Variants in FRMD5 observed in about 807,000 individuals in gnomAD.
FRMD5 encodes FERM domain containing 5.
In FRMD5, 20 loss-of-function variants were observed where a neutral mutation model predicts 69.0. The observed-to-expected ratio is 0.29, with a 90% CI of 0.20 to 0.42. The LOEUF is 0.42. Among genes scored for constraint, FRMD5 ranks in the 10% least tolerant of loss-of-function variants. The pLI is 1.00. For missense variants in FRMD5, 595 were observed against 708.6 expected (o/e 0.84, Z 1.82); for synonymous variants, 271 against 260.1 (o/e 1.04, Z -0.40).
chr15:43,928,528 T>C (rs1224907743), intron 1 of FRMD5, among the ~76,000 whole-genome samples: 2 of 152,222 alleles, frequency 1.3e-5, no homozygotes, highest in African/African-American at 4.8e-5. Flanking sequence ...ATGGGCTCCC[T>C]ACAAGCCAAC....
At chr15:44,049,208 G>T (rs536783184) in intron 1 of FRMD5, among the ~76,000 whole-genome samples, 2 of 152,140 alleles carry the variant, frequency 1.3e-5, no homozygotes, top group African/African-American at 4.8e-5. Context: ...ACCAGAGTTG[G>T]CTCCCAAACC....
At chr15:44,052,934 C>T (rs970504268) in intron 1 of FRMD5, among the ~76,000 whole-genome samples, 1 of 152,054 alleles carries the variant, frequency 6.6e-6, no homozygotes, top group African/African-American at 2.4e-5. Flanking sequence ...TGAGGGAGTC[C>T]ATGGTCTGGT....
chr15:44,169,266 C>T (rs2077760328), intron 1 of FRMD5, among the ~76,000 whole-genome samples: 1 of 152,082 alleles, frequency 6.6e-6, no homozygotes, highest in Admixed American at 6.6e-5. Flanking sequence ...ATGCTATACC[C>T]TATCTTCCAC....
chr15:44,162,719 T>A (rs981513907), intron 1 of FRMD5, among the ~76,000 whole-genome samples: 1 of 151,084 alleles, frequency 6.6e-6, no homozygotes, highest in Non-Finnish European at 1.5e-5. Context: ...AATACAAAAT[T>A]AGCCAGGCGT....
chr15:44,171,173 T>C (rs1595552442), intron 1 of FRMD5, among the ~76,000 whole-genome samples: 2 of 152,222 alleles, frequency 1.3e-5, no homozygotes, highest in Non-Finnish European at 2.9e-5. Context: ...TTAGTGCACA[T>C]TTTTTGCATA....
intron 8 of FRMD5, 122 bp downstream of exon 8, chr15:43,891,859 G>T (rs2088800305): frequency 1.3e-6 from 1 of 755,214 alleles, no homozygotes; most frequent in Non-Finnish European, 2.3e-6. Flanking sequence ...CACCATCAAC[G>T]CAAGGCTTTG....
At chr15:44,170,384 G>A (rs565667300) in intron 1 of FRMD5, among the ~76,000 whole-genome samples, 131 of 152,174 alleles carry the variant, frequency 8.6e-4, no homozygotes, top group African/African-American at 2.9e-3. Flanking sequence ...TTAGCTGAGC[G>A]TGGTGGCATA....
chr15:43,899,143 C>T (rs2088985155), intron 7 of FRMD5, among the ~76,000 whole-genome samples: 1 of 152,198 alleles, frequency 6.6e-6, no homozygotes, highest in Non-Finnish European at 1.5e-5. Context: ...CCAAGTGTGC[C>T]AGCTTATTTC....
chr15:43,992,744 T>C (rs867554329), intron 1 of FRMD5, among the ~76,000 whole-genome samples: 1 of 152,164 alleles, frequency 6.6e-6, no homozygotes, highest in Non-Finnish European at 1.5e-5. Context: ...GATGGGGTAT[T>C]CCTCTGCCCA....
chr15:43,894,386 G>A (rs2088865907), intron 7 of FRMD5, among the ~76,000 whole-genome samples: 1 of 152,144 alleles, frequency 6.6e-6, no homozygotes, highest in African/African-American at 2.4e-5. Context: ...TTGTGTGAAT[G>A]GTGGTATAGA....
chr15:44,123,143 G>A (rs1257661561), intron 1 of FRMD5, among the ~76,000 whole-genome samples: 19 of 151,926 alleles, frequency 1.3e-4, no homozygotes, highest in Non-Finnish European at 4.4e-5. Flanking sequence ...TCAGGAGTTT[G>A]AGACCAGCCT....
upstream of FRMD5, among the ~76,000 whole-genome samples, chr15:44,199,149 C>G (rs1281547737): frequency 2.0e-5 from 3 of 152,186 alleles, no homozygotes; most frequent in Non-Finnish European, 4.4e-5. Flanking sequence ...GTACTGCCCT[C>G]TCTTCACCAA....
intron 1 of FRMD5, among the ~76,000 whole-genome samples, chr15:43,941,611 T>C (rs1284462024): frequency 6.6e-6 from 1 of 152,182 alleles, no homozygotes; most frequent in Non-Finnish European, 1.5e-5. Flanking sequence ...TCTTGAAATA[T>C]GGTGGGCACT....
At position 43,925,553 on chromosome 15, in the gene FRMD5, TACAA is replaced by T. The variant is rs2089569641; in HGVS notation, c.103-1248_103-1245del. On this transcript the variant is annotated intron_variant, in intron 1 of 13. Coordinates refer to ENST00000417257, the MANE Select transcript of FRMD5 (RefSeq NM_032892.5). ...ATGACATTTGTTTCTAATTTGCTAT[TACAA>T]ACAATGTGGCAGTGAACATACAATG... Among the ~76,000 whole-genome samples, 3 of 152,356 alleles carry T rather than the reference TACAA, an allele frequency of 2.0e-5. No individual in the cohort carries two copies. In the South Asian group the frequency reaches 6.2e-4, roughly 32 times the overall value.
intron 1 of FRMD5, among the ~76,000 whole-genome samples, chr15:44,189,482 A>G (rs936765127): frequency 9.3e-5 from 14 of 150,950 alleles, no homozygotes; most frequent in Non-Finnish European, 2.1e-4. Flanking sequence ...TGCTTGTAAA[A>G]GTCAAGACTT....
At position 43,984,561 on chromosome 15, in the gene FRMD5, T is replaced by C. The variant is rs377409027; in HGVS notation, c.103-60252A>G. On this transcript the variant is annotated intron_variant, in intron 1 of 13. Transcript: ENST00000417257. ...TCCCATTCACTACAGAGAAACTTAC[T>C]TGAGCATCTCTCTTCAGATATTATT... Among the ~76,000 whole-genome samples, 16 of 152,344 alleles carry C rather than the reference T, an allele frequency of 1.1e-4. No homozygotes were observed. The East Asian group carries it at 1.7e-3, about 17-fold the overall frequency.
At chr15:43,918,524 A>C (rs1308878598) in intron 4 of FRMD5, among the ~76,000 whole-genome samples, 1 of 152,000 alleles carries the variant, frequency 6.6e-6, no homozygotes, top group Non-Finnish European at 1.5e-5. Context: ...GTGGATCTCA[A>C]AGCCTTACAG....
intron 1 of FRMD5, among the ~76,000 whole-genome samples, chr15:44,148,557 C>T (rs1030103559): frequency 1.8e-4 from 27 of 152,150 alleles, no homozygotes; most frequent in Non-Finnish European, 2.8e-4. Flanking sequence ...AGGCGTGAGC[C>T]ACCGTGCCCA....
At chr15:44,174,405 T>C (rs1041612678) in intron 1 of FRMD5, among the ~76,000 whole-genome samples, 1 of 152,216 alleles carries the variant, frequency 6.6e-6, no homozygotes, top group African/African-American at 2.4e-5. Context: ...TGTTTCCCAA[T>C]GGCAAATCCC....
Sources: allele counts gnomAD v4.1 joint callset (sites outside exome capture counted in the v4.1 genomes callset), GRCh38; gene constraint gnomAD v4.1.1; transcripts MANE v1.5; gene names NCBI Gene and HGNC (gene_info 2026-07-23, HGNC 2026-07-21).